Variants in KCNN2 observed in about 807,000 individuals in gnomAD.
KCNN2 encodes potassium calcium-activated channel subfamily N member 2, also known as small conductance calcium-activated potassium channel protein 2.
In KCNN2, 24 loss-of-function variants were observed where a neutral mutation model predicts 55.5. The observed-to-expected ratio is 0.43, with a 90% CI of 0.31 to 0.61. KCNN2 has a LOEUF of 0.61. Among genes scored for constraint, KCNN2 ranks in the 20% least tolerant of loss-of-function variants. KCNN2 has a pLI of 0.08. For synonymous variants in KCNN2, 431 were observed against 336.1 expected, an observed-to-expected ratio of 1.28 and a Z score of -3.09; for missense variants, 754 against 853.6, an observed-to-expected ratio of 0.88 and a Z score of 1.45.
intron 1 of KCNN2, among the ~76,000 whole-genome samples, chr5:114,108,634 A>G (rs1011348129): frequency 2.0e-5 from 3 of 151,956 alleles, no homozygotes; most frequent in Non-Finnish European, 4.4e-5. Context: ...TGGGAGGGGG[A>G]TTCTGACTCC....
At chr5:114,415,815 C>A (rs939419093) in intron 3 of KCNN2, among the ~76,000 whole-genome samples, 1 of 152,090 alleles carries the variant, frequency 6.6e-6, no homozygotes, top group Non-Finnish European at 1.5e-5. Flanking sequence ...CAAATATTTT[C>A]CATGGCTTGT....
intron 1 of KCNN2, among the ~76,000 whole-genome samples, chr5:114,124,822 G>A (rs1355625367): frequency 2.0e-5 from 3 of 152,002 alleles, no homozygotes; most frequent in Non-Finnish European, 4.4e-5. Flanking sequence ...ATGTAAAATT[G>A]GTATACACCT....
intron 1 of KCNN2, among the ~76,000 whole-genome samples, chr5:114,202,571 A>G (rs1422938629): frequency 2.4e-5 from 2 of 83,348 alleles, no homozygotes; most frequent in East Asian, 2.5e-4. Context: ...GTGTGTGTAT[A>G]TATATATATA....
rs541713395 is a variant in KCNN2, at chr5:114,295,089, C to T, written c.-184-65856C>T. The stretch of plus-strand genomic sequence containing the variant: ...GTTTTGTCTCAGAGGAGTACCTGGC[C>T]GTGTGAGGTGTCAGTGTGCCCCTAC... On this transcript the variant is annotated intron_variant, in intron 2 of 10. Transcript: ENST00000512097. 4.1e-4 allele frequency among the ~76,000 whole-genome samples: 62 copies of T among 152,224 alleles called. No individual in the cohort carries two copies. The South Asian group carries it at 6.6e-3, about 16-fold the overall frequency.
chr5:114,480,885 C>CT (rs1325927131), intron 5 of KCNN2, among the ~76,000 whole-genome samples: 3 of 152,138 alleles, frequency 2.0e-5, no homozygotes, highest in Non-Finnish European at 4.4e-5. Context: ...TAAGAGCCGT[C>CT]TATGACAAAT....
intron 2 of KCNN2, among the ~76,000 whole-genome samples, chr5:114,234,408 T>C (rs1472663243): frequency 6.6e-6 from 1 of 152,234 alleles, no homozygotes; most frequent in African/African-American, 2.4e-5. Flanking sequence ...TCCTTTTAAC[T>C]TTACGATTCT....
intron 1 of KCNN2, among the ~76,000 whole-genome samples, chr5:114,206,454 C>T (rs1296937216): frequency 6.6e-6 from 1 of 152,184 alleles, no homozygotes; most frequent in African/African-American, 2.4e-5. Context: ...TCTTCTCTAT[C>T]TCAGCTCTGC....
intron 2 of KCNN2, among the ~76,000 whole-genome samples, chr5:114,324,761 T>C (rs1756684480): frequency 1.3e-5 from 2 of 152,242 alleles, no homozygotes; most frequent in South Asian, 4.1e-4. Context: ...AAAGTGGCTC[T>C]AGAATTGGGC....
At chr5:114,364,217 G>T (rs989873457) in intron 2 of KCNN2, among the ~76,000 whole-genome samples, 32 of 152,194 alleles carry the variant, frequency 2.1e-4, no homozygotes, top group Non-Finnish European at 7.3e-5. Context: ...ATTTTCTGAG[G>T]TGTATTTGTT....
intron 6 of KCNN2, among the ~76,000 whole-genome samples, chr5:114,491,945 A>C (rs1021880932): frequency 5.3e-5 from 8 of 152,178 alleles, no homozygotes; most frequent in Non-Finnish European, 1.0e-4. Context: ...AATCTTTCTC[A>C]ACAATATATT....
intron 2 of KCNN2, among the ~76,000 whole-genome samples, chr5:114,314,644 A>G (rs1305417362): frequency 2.6e-5 from 4 of 152,126 alleles, no homozygotes; most frequent in Non-Finnish European, 5.9e-5. Context: ...AACTAGCAGA[A>G]GATTTTCTTT....
At chr5:114,124,676 TC>T (rs1281660601) in intron 1 of KCNN2, among the ~76,000 whole-genome samples, 1 of 152,188 alleles carries the variant, frequency 6.6e-6, no homozygotes, top group Non-Finnish European at 1.5e-5. Flanking sequence ...CAGTTTGCCC[TC>T]AGGATGGCAC....
intron 2 of KCNN2, among the ~76,000 whole-genome samples, chr5:114,328,988 C>G (rs1756759824): frequency 2.0e-5 from 3 of 152,182 alleles, no homozygotes; most frequent in South Asian, 2.1e-4. Flanking sequence ...TCATGACTGT[C>G]CTCCTTACTT....
intron 2 of KCNN2, among the ~76,000 whole-genome samples, chr5:114,390,298 T>C (rs890764088): frequency 3.9e-5 from 6 of 152,160 alleles, no homozygotes; most frequent in Non-Finnish European, 2.9e-5. Flanking sequence ...GCAGAAATGA[T>C]TTAATGATAC....
intron 2 of KCNN2, among the ~76,000 whole-genome samples, chr5:114,285,270 G>A (rs373449354): frequency 3.3e-5 from 4 of 122,874 alleles, no homozygotes; most frequent in Non-Finnish European, 6.4e-5. Flanking sequence ...GTGACACAGC[G>A]AGACTCCATC....
At chr5:114,169,715 A>G (rs1488125484) in intron 1 of KCNN2, among the ~76,000 whole-genome samples, 4 of 152,056 alleles carry the variant, frequency 2.6e-5, no homozygotes, top group Admixed American at 1.3e-4. Context: ...TGAGGTAGAA[A>G]GAGATGTTGA....
At chr5:114,329,669 T>C (rs1756774695) in intron 2 of KCNN2, among the ~76,000 whole-genome samples, 1 of 152,212 alleles carries the variant, frequency 6.6e-6, no homozygotes, top group African/African-American at 2.4e-5. Context: ...TGTGGGACTT[T>C]ACCTTGTGAC....
chr5:114,354,754 ATGT>A (rs1418132009), intron 2 of KCNN2, among the ~76,000 whole-genome samples: 1 of 152,164 alleles, frequency 6.6e-6, no homozygotes, highest in East Asian at 1.9e-4. Context: ...TGAGAAAAAA[ATGT>A]TGTATTTATT....
chr5:114,299,854 T>G (rs1756115424), intron 2 of KCNN2, among the ~76,000 whole-genome samples: 1 of 152,070 alleles, frequency 6.6e-6, no homozygotes, highest in African/African-American at 2.4e-5. Flanking sequence ...CAGGTCTATC[T>G]ACCCAGTCAT....
Sources: allele counts gnomAD v4.1 joint callset (sites outside exome capture counted in the v4.1 genomes callset), GRCh38; gene constraint gnomAD v4.1.1; transcripts MANE v1.5; gene names NCBI Gene and HGNC (gene_info 2026-07-23, HGNC 2026-07-21).